The following NOX4 variants were observed in gnomAD, a reference collection of about 807,000 sequenced individuals.
The protein encoded by NOX4 is kidney oxidase-1.
Under a neutral mutation model 87.6 loss-of-function variants are expected in NOX4, and 69 were observed. That is an observed-to-expected ratio of 0.79 (90% confidence interval 0.65 to 0.96). The LOEUF (loss-of-function observed/expected upper bound fraction) is 0.96. Ranked by LOEUF, NOX4 falls within the 40% of genes least tolerant of loss-of-function variation. NOX4 has a pLI of 0.00. For synonymous variants in NOX4, 275 were observed against 238.2 expected, an observed-to-expected ratio of 1.15 and a Z score of -1.42; for missense variants, 680 against 681.5, an observed-to-expected ratio of 1.00 and a Z score of 0.02.
At chr11:89,390,816 T>C (rs566319449) in intron 11 of NOX4, among the ~76,000 whole-genome samples, 8 of 152,292 alleles carry the variant, frequency 5.3e-5, no homozygotes, top group African/African-American at 1.9e-4. Context: ...AGGTACATTT[T>C]CCCCTCCTCT....
intron 2 of NOX4, among the ~76,000 whole-genome samples, chr11:89,489,673 A>G (rs1946769849): frequency 1.3e-5 from 2 of 150,388 alleles, no homozygotes; most frequent in Non-Finnish European, 3.0e-5. Context: ...GGTTGCAGTG[A>G]GCTGAGATCA....
intron 1 of NOX4, chr11:89,490,759 C>G (rs1319159303): frequency 2.9e-6 from 2 of 697,558 alleles, no homozygotes; most frequent in Admixed American, 4.0e-5. Context: ...TCACCTGAGA[C>G]TAAGCATTTG....
chr11:89,462,649 CA>C (rs1197459375), intron 2 of NOX4, among the ~76,000 whole-genome samples: 6 of 151,980 alleles, frequency 3.9e-5, no homozygotes, highest in African/African-American at 1.4e-4. Flanking sequence ...CATATGCAAA[CA>C]AAATCACGTA....
chr11:89,434,598 C>G (rs1342527322), intron 6 of NOX4, among the ~76,000 whole-genome samples: 1 of 151,432 alleles, frequency 6.6e-6, no homozygotes, highest in Non-Finnish European at 1.5e-5. Flanking sequence ...CCAGCCATTG[C>G]ACTTCCAAGT....
intron 2 of NOX4, among the ~76,000 whole-genome samples, chr11:89,479,486 GA>G (rs1040837503): frequency 1.2e-4 from 18 of 151,356 alleles, no homozygotes; most frequent in Admixed American, 6.6e-4. Context: ...GCCTCCATTA[GA>G]AAAAAAACAC....
At chr11:89,374,144 T>G (rs560151009) in intron 11 of NOX4, among the ~76,000 whole-genome samples, 1 of 152,274 alleles carries the variant, frequency 6.6e-6, no homozygotes, top group South Asian at 2.1e-4. Context: ...TAGTTTACAA[T>G]AAGAAAAATG....
intron 1 of NOX4, chr11:89,497,985 G>A (rs1210488499): frequency 6.6e-6 from 1 of 151,968 alleles, no homozygotes; most frequent in Non-Finnish European, 1.5e-5. Context: ...CTTGTTTCAT[G>A]GCACACCTTA....
At chr11:89,331,224 C>G (rs886846666) in intron 17 of NOX4, among the ~76,000 whole-genome samples, 1 of 151,648 alleles carries the variant, frequency 6.6e-6, no homozygotes, top group African/African-American at 2.4e-5. Flanking sequence ...AATTAGACAA[C>G]ATTTTAAAAT....
intron 5 of NOX4, among the ~76,000 whole-genome samples, chr11:89,441,451 C>G (rs1400723148): frequency 2.6e-5 from 4 of 152,050 alleles, no homozygotes; most frequent in African/African-American, 9.7e-5. Context: ...CTGTGTGCCT[C>G]CATTGAATCT....
At chr11:89,492,578 T>C (rs1946885973), upstream of NOX4, among the ~76,000 whole-genome samples, 1 of 152,244 alleles carries the variant, frequency 6.6e-6, no homozygotes, top group African/African-American at 2.4e-5. Flanking sequence ...CCTGTTAGAC[T>C]TCACACAATT....
At chr11:89,533,694 T>C in the NOX4 span, 1 of 152,238 alleles carries the variant, frequency 6.6e-6, no homozygotes. Context: ...TCCCAAGAAC[T>C]AGAGCCCCAT....
At position 89,444,204 on chromosome 11, in the gene NOX4, A is replaced by C. The variant is rs148405952; in HGVS notation, c.378T>G (p.Asn126Lys). The C allele has an allele frequency of 4.3e-6, 7 of 1,613,500 alleles. No individual in the cohort carries two copies. In the African/African-American group the frequency reaches 9.4e-5, roughly 22 times the overall value. The change falls in exon 5 of 18, where the codon AAT (asparagine) becomes AAG (lysine). Residue 126 changes from asparagine to lysine, a missense_variant. Physicochemically the swap from Asn to Lys is moderately conservative, Grantham distance 94. Coordinates refer to ENST00000263317, the MANE Select transcript of NOX4 (RefSeq NM_016931.5). ...TGTAATTCACTGAGAAGTTGAGGGC[A>C]TTCACCAGATGGGCAGCCACATGCA... Reference protein sequence around the residue: ...SGVHVAAHLVNALNFSVNYSE... With the variant: ...SGVHVAAHLVKALNFSVNYSE...
intron 8 of NOX4, among the ~76,000 whole-genome samples, chr11:89,420,895 C>A (rs908493389): frequency 2.0e-5 from 3 of 152,142 alleles, no homozygotes; most frequent in African/African-American, 7.2e-5. Context: ...AGACCTCAGC[C>A]TCCTTGTGTA....
chr11:89,419,614 A>G (rs1942978725), intron 8 of NOX4, among the ~76,000 whole-genome samples: 2 of 151,934 alleles, frequency 1.3e-5, no homozygotes, highest in Admixed American at 6.6e-5. Flanking sequence ...GAATAAATAC[A>G]TATTAATTTA....
chr11:89,426,347 T>C (rs183108294), intron 7 of NOX4, among the ~76,000 whole-genome samples: 1 of 152,152 alleles, frequency 6.6e-6, no homozygotes, highest in Admixed American at 6.5e-5. Context: ...ACTGGGTTCA[T>C]CTCACTAGGG....
chr11:89,336,446 C>A (rs1400750812), intron 16 of NOX4, among the ~76,000 whole-genome samples: 2 of 151,938 alleles, frequency 1.3e-5, no homozygotes, highest in African/African-American at 2.4e-5. Flanking sequence ...TAAAATACTA[C>A]AAATTGTCAT....
intron 2 of NOX4, 52 bp from the exon 3 acceptor site, chr11:89,451,947 TG>T: frequency 8.1e-7 from 1 of 1,241,304 alleles, no homozygotes; most frequent in East Asian, 2.3e-5. Context: ...AGTAAAGCCC[TG>T]TCCTGGCTCT....
chr11:89,326,444 T>G lies in NOX4; in HGVS notation c.*312A>C, dbSNP rs184189465. On this transcript the variant is annotated 3_prime_UTR_variant, in exon 18 of 18. Transcript: ENST00000263317. The stretch of plus-strand genomic sequence containing the variant: ...ACAATCAGCCTTAGATTGAGCAAGT[T>G]CAGCTCCTCACTAGGGAGTTCTTGA... 2.9e-4 allele frequency: 54 copies of G among 187,616 alleles called. No homozygotes were observed. The East Asian group carries it at 5.8e-3, about 20-fold the overall frequency. The allele number at this position is 187,616 out of a possible 1,614,324, so 11.6% of individuals were successfully genotyped here. A position where few individuals can be genotyped will look rare whatever the true frequency, so the allele number is the denominator to read the frequency against.
the NOX4 span, among the ~76,000 whole-genome samples, chr11:89,518,441 A>T: frequency 2.0e-5 from 3 of 152,088 alleles, no homozygotes; most frequent in Non-Finnish European, 4.4e-5. Flanking sequence ...CATGATCAGA[A>T]TTAGTATCTA....
Sources: allele counts gnomAD v4.1 joint callset (sites outside exome capture counted in the v4.1 genomes callset), GRCh38; gene constraint gnomAD v4.1.1; transcripts MANE v1.5; gene names NCBI Gene and HGNC (gene_info 2026-07-23, HGNC 2026-07-21).